The following SBF2 variants were observed in gnomAD, a reference collection of about 807,000 sequenced individuals.
The protein encoded by SBF2 is myotubularin-related protein 13.
Under a neutral mutation model 225.2 loss-of-function variants are expected in SBF2, and 112 were observed. The ratio of observed to expected loss-of-function variants is 0.50; its 90% CI spans 0.43 to 0.58. The LOEUF is 0.58. Ranked by LOEUF, SBF2 falls within the 20% of genes least tolerant of loss-of-function variation. SBF2 has a pLI of 0.00. For synonymous variants in SBF2, 763 were observed against 773.3 expected, an observed-to-expected ratio of 0.99 and a Z score of 0.22; for missense variants, 1,996 against 2,206.2, an observed-to-expected ratio of 0.90 and a Z score of 1.91.
intron 25 of SBF2, among the ~76,000 whole-genome samples, chr11:9,840,574 TA>T (rs1454393557): frequency 3.9e-5 from 6 of 152,206 alleles, no homozygotes; most frequent in African/African-American, 1.4e-4. Context: ...TTTAGGACTC[TA>T]TAAAAACACC....
chr11:10,138,977 T>G (rs1954517364), intron 2 of SBF2, among the ~76,000 whole-genome samples: 1 of 152,192 alleles, frequency 6.6e-6, no homozygotes. Flanking sequence ...ACTGCTAATT[T>G]GCCCATCAAC....
intron 1 of SBF2, among the ~76,000 whole-genome samples, chr11:10,223,324 C>T (rs1449385257): frequency 1.4e-5 from 2 of 147,698 alleles, no homozygotes; most frequent in Non-Finnish European, 3.0e-5. Flanking sequence ...TAACTTTTAA[C>T]TCTTCAACAA....
At position 9,787,648 on chromosome 11, in the gene SBF2, G is replaced by T. The variant is rs776494289; in HGVS notation, c.5023C>A (p.Pro1675Thr). The T allele has an allele frequency of 3.7e-6, 6 of 1,614,114 alleles. No homozygotes were observed. Among genetic ancestry groups the T allele is most frequent in the Non-Finnish European group, 5.1e-6 (6 of 1,179,960 alleles). ...TGCCAACTCACGCGATCTGTTCTTGGTTCTTCTTTAAGGTCCACGGTTACC... is the reference window on the plus strand; with the variant it reads ...TGCCAACTCACGCGATCTGTTCTTGTTTCTTCTTTAAGGTCCACGGTTACC... ...ERVTVDLKEE[P>T]RTDRSQRHLS... The change falls in exon 36 of 40, where the codon CCA becomes ACA. Residue 1675 changes from proline to threonine, a missense_variant. Transcript: ENST00000256190.
intron 2 of SBF2, among the ~76,000 whole-genome samples, chr11:10,080,447 GTA>G (rs1323864925): frequency 2.0e-5 from 3 of 150,944 alleles, no homozygotes; most frequent in Non-Finnish European, 4.4e-5. Context: ...AAACACAAAA[GTA>G]TAAAACTCAC....
rs1590692954 is a variant in SBF2, at chr11:9,989,546, A to G, written c.1346T>C (p.Val449Ala). 5 of 1,610,956 alleles carry G rather than the reference A, an allele frequency of 3.1e-6. No homozygotes were observed. The highest frequency in any genetic ancestry group is 4.2e-6 in the Non-Finnish European group (5 of 1,177,720). ...ERIKVEENNP[V>A]KMIKHVRELA... ...TTCCCTGACATGCTTTATCATCTTC[A>G]CTGGGTTATTTTCTTCAACTTTAAT... The change falls in exon 13 of 40, where the codon GTG becomes GCG. Residue 449 changes from valine (V) to alanine (A), a missense_variant. Coordinates refer to ENST00000256190, the MANE Select transcript of SBF2 (RefSeq NM_030962.4).
intron 2 of SBF2, among the ~76,000 whole-genome samples, chr11:10,047,858 C>T (rs1163687112): frequency 6.6e-6 from 1 of 152,084 alleles, no homozygotes; most frequent in African/African-American, 2.4e-5. Flanking sequence ...TTATTGATAA[C>T]TTAAGAATCA....
At chr11:10,037,762 C>A (rs1445053591) in intron 3 of SBF2, among the ~76,000 whole-genome samples, 1 of 119,594 alleles carries the variant, frequency 8.4e-6, no homozygotes, top group African/African-American at 3.3e-5. Context: ...TGATAAAGAG[C>A]GGGATGGTGG....
chr11:9,942,901 GAGAAAGAAAGAAAGAA>G lies in SBF2; in HGVS notation c.1860+19040_1860+19055del, dbSNP rs1183181431. 1.2e-4 allele frequency among the ~76,000 whole-genome samples: 12 copies of G among 101,310 alleles called. No homozygotes were observed. In the East Asian group the frequency reaches 1.4e-3, roughly 12 times the overall value. 66.5% of individuals were successfully genotyped at this position (101,310 alleles called of 152,430 possible). A position where few individuals can be genotyped will look rare whatever the true frequency, so the allele number is the denominator to read the frequency against. ...AAAGAAAAGAAAAGAAAGAGAGAGA[GAGAAAGAAAGAAAGAA>G]AGAAAGAAAGAAAGAAAGAAAGAAG... On this transcript the variant is annotated intron_variant, in intron 16 of 39. Coordinates refer to ENST00000256190, the MANE Select transcript of SBF2 (RefSeq NM_030962.4).
intron 16 of SBF2, among the ~76,000 whole-genome samples, chr11:9,925,769 G>A (rs1323113713): frequency 6.6e-6 from 1 of 152,162 alleles, no homozygotes; most frequent in East Asian, 1.9e-4. Context: ...TAGTCCTAAA[G>A]TTATAGAAAG....
chr11:9,888,636 A>G (rs1164360775), intron 17 of SBF2, among the ~76,000 whole-genome samples: 1 of 152,204 alleles, frequency 6.6e-6, no homozygotes, highest in Non-Finnish European at 1.5e-5. Context: ...CTTGCTGGTT[A>G]TATGTGTGAA....
intron 28 of SBF2, among the ~76,000 whole-genome samples, chr11:9,825,898 T>C (rs762396177): frequency 5.9e-5 from 9 of 152,234 alleles, no homozygotes; most frequent in African/African-American, 2.4e-5. Flanking sequence ...ATAACCAGTA[T>C]AGATGAACAG....
At chr11:10,094,684 A>T (rs1951942608) in intron 2 of SBF2, among the ~76,000 whole-genome samples, 1 of 151,748 alleles carries the variant, frequency 6.6e-6, no homozygotes, top group African/African-American at 2.4e-5. Flanking sequence ...GTATTTTTTT[A>T]GTAGAGACGG....
intron 1 of SBF2, among the ~76,000 whole-genome samples, chr11:10,198,797 C>T (rs1591195726): frequency 1.3e-5 from 2 of 152,232 alleles, no homozygotes; most frequent in African/African-American, 4.8e-5. Context: ...GTTATAGAGA[C>T]AGCTTCTTTT....
intron 13 of SBF2, among the ~76,000 whole-genome samples, chr11:9,971,119 A>G (rs72855687): frequency 3.7e-3 from 568 of 152,102 alleles, no homozygotes; most frequent in Non-Finnish European, 6.2e-3. Context: ...GGTAATTCAT[A>G]TGGATCTTGA....
intron 9 of SBF2, 38 bp from the exon 10 acceptor site, chr11:9,994,036 T>C (rs1947555965): frequency 1.7e-6 from 2 of 1,149,012 alleles, no homozygotes; most frequent in Admixed American, 1.7e-5. Flanking sequence ...AATATCATAA[T>C]ATCAATGAAA....
intron 1 of SBF2, among the ~76,000 whole-genome samples, chr11:10,228,096 G>A (rs1199397172): frequency 6.6e-6 from 1 of 151,274 alleles, no homozygotes; most frequent in Non-Finnish European, 1.5e-5. Flanking sequence ...GTGAATGGGA[G>A]TTCACTCATG....
intron 2 of SBF2, among the ~76,000 whole-genome samples, chr11:10,130,893 C>T (rs952682671): frequency 4.6e-5 from 7 of 151,952 alleles, no homozygotes; most frequent in Admixed American, 1.3e-4. Flanking sequence ...TATATTGCTA[C>T]GAGATATACC....
intron 2 of SBF2, among the ~76,000 whole-genome samples, chr11:10,152,481 G>A (rs182118236): frequency 6.6e-5 from 10 of 151,960 alleles, no homozygotes; most frequent in Admixed American, 4.6e-4. Flanking sequence ...CCTGGGGGGC[G>A]GAGGTTGCAG....
chr11:9,856,396 G>C, intron 19 of SBF2, 62 bp downstream of exon 19: 4 of 1,603,094 alleles, frequency 2.5e-6, no homozygotes, highest in Non-Finnish European at 3.4e-6. Flanking sequence ...AATATTATCT[G>C]TCAAGCCAAG....
Sources: allele counts gnomAD v4.1 joint callset (sites outside exome capture counted in the v4.1 genomes callset), GRCh38; gene constraint gnomAD v4.1.1; transcripts MANE v1.5; gene names NCBI Gene and HGNC (gene_info 2026-07-23, HGNC 2026-07-21).